Variants in ITSN2 observed in about 807,000 individuals in gnomAD.
ITSN2 encodes intersectin-2.
Under a neutral mutation model 243.7 loss-of-function variants are expected in ITSN2, and 156 were observed. The observed-to-expected ratio is 0.64, with a 90% CI of 0.56 to 0.73. The LOEUF (loss-of-function observed/expected upper bound fraction) is 0.73, where lower values mean the gene tolerates loss of function less well. Ranked by LOEUF, ITSN2 falls within the 30% of genes least tolerant of loss-of-function variation. ITSN2 has a pLI of 0.00. For synonymous variants in ITSN2, 703 were observed against 699.9 expected (o/e 1.00, Z -0.07); for missense variants, 1,801 against 1,996.1 (o/e 0.90, Z 1.86).
chr2:24,271,631 G>C (rs1677358706), intron 19 of ITSN2, 135 bp downstream of exon 19: 1 of 1,132,510 alleles, frequency 8.8e-7, no homozygotes, highest in Non-Finnish European at 1.2e-6. Flanking sequence ...TTTTATCCAA[G>C]TTTAATTTAT....
At chr2:24,288,119 G>A (rs551031135) in intron 15 of ITSN2, among the ~76,000 whole-genome samples, 1 of 152,138 alleles carries the variant, frequency 6.6e-6, no homozygotes, top group African/African-American at 2.4e-5. Flanking sequence ...CAATGTCAAA[G>A]AGCTTTTGTC....
At chr2:24,297,838 G>T (rs1017034577) in intron 13 of ITSN2, among the ~76,000 whole-genome samples, 1 of 152,264 alleles carries the variant, frequency 6.6e-6, no homozygotes, top group Admixed American at 6.5e-5. Context: ...ATCAGTGTCT[G>T]AACTGATGCT....
intron 13 of ITSN2, 126 bp downstream of exon 13, chr2:24,298,539 G>T: frequency 1.3e-6 from 1 of 774,426 alleles, no homozygotes; most frequent in Non-Finnish European, 2.0e-6. Context: ...CAGTTGATCT[G>T]CCTGCCTTGG....
rs1481162962 is a variant in ITSN2, at chr2:24,271,873, TTTTG to T, written c.2146_2149del (p.Gln716SerfsTer30). On this transcript the variant is annotated frameshift_variant, in exon 19 of 40. Transcript: ENST00000355123. LOFTEE classifies it high-confidence loss of function. The stretch of plus-strand genomic sequence containing the variant: ...TTGTGTTTTTTCTTCCTGGAGTCGC[TTTTG>T]TTTTTCTTCTTCCTCCTTTCTAAGA... The T allele has an allele frequency of 3.5e-6, 4 of 1,135,540 alleles. No homozygotes were observed. The highest frequency in any genetic ancestry group is 1.2e-5 in the South Asian group (1 of 80,480). The allele number at this position is 1,135,540 out of a possible 1,614,324, so 70.3% of individuals were successfully genotyped here.
chr2:24,257,714 C>T (rs1254900784), intron 23 of ITSN2, among the ~76,000 whole-genome samples, 174 bp downstream of exon 23: 1 of 152,104 alleles, frequency 6.6e-6, no homozygotes, highest in Non-Finnish European at 1.5e-5. Flanking sequence ...GCCTTGGCTT[C>T]CCAAAATGCT....
At chr2:24,260,106 A>C (rs916054582) in intron 22 of ITSN2, among the ~76,000 whole-genome samples, 14 of 152,104 alleles carry the variant, frequency 9.2e-5, no homozygotes, top group Non-Finnish European at 1.9e-4. Context: ...TTTTTTGTAG[A>C]GATGAGGTCT....
intron 24 of ITSN2, among the ~76,000 whole-genome samples, chr2:24,253,378 C>T (rs1445500305): frequency 6.6e-6 from 1 of 152,132 alleles, no homozygotes; most frequent in Non-Finnish European, 1.5e-5. Flanking sequence ...TCCTTTCCAA[C>T]ATGCTCCTCA....
In ITSN2 at chr2:24,273,160, C is replaced by T. The variant is rs1677585778; in HGVS notation, c.2082-1219G>A. Among the ~76,000 whole-genome samples, 3 of 152,064 alleles carry T rather than the reference C, an allele frequency of 2.0e-5. No homozygotes were observed. In the South Asian group the frequency reaches 6.2e-4, roughly 32 times the overall value. ...CTGGATAATTCAAAATATTGTAGGC[C>T]CTTAGTCATCAATGCTTTCTCCTTA... On this transcript the variant is annotated intron_variant, in intron 18 of 39. Transcript: ENST00000355123.
At chr2:24,305,928 T>G (rs17046228) in intron 8 of ITSN2, among the ~76,000 whole-genome samples, 20,317 of 152,192 alleles carry the variant, frequency 0.13, 1,923 homozygotes, top group African/African-American at 0.27. Context: ...CTGTTTATAC[T>G]GTTATAGTTA....
chr2:24,279,770 T>C (rs1678528439), intron 17 of ITSN2, among the ~76,000 whole-genome samples: 1 of 148,886 alleles, frequency 6.7e-6, no homozygotes, highest in Non-Finnish European at 1.5e-5. Context: ...TCTCGCTCTG[T>C]TGCTCAGGCT....
chr2:24,291,112 T>C (rs1680186484), intron 15 of ITSN2, among the ~76,000 whole-genome samples: 1 of 152,168 alleles, frequency 6.6e-6, no homozygotes. Context: ...AAAATGTCTC[T>C]AATTATTCAG....
chr2:24,210,614 CAAAAA>C (rs950984341), intron 34 of ITSN2, among the ~76,000 whole-genome samples, 161 bp downstream of exon 34: 3 of 53,988 alleles, frequency 5.6e-5, no homozygotes, highest in Admixed American at 4.0e-4. Context: ...GACTCCGTCT[CAAAAA>C]AAAAAAAAAA....
chr2:24,279,726 CTTTT>C (rs955431908), intron 17 of ITSN2, among the ~76,000 whole-genome samples: 1 of 78,300 alleles, frequency 1.3e-5, no homozygotes, highest in African/African-American at 5.3e-5. Context: ...TGTGAATTTT[CTTTT>C]TTTTTTTTTT....
chr2:24,332,344 C>T (rs1028471334), intron 1 of ITSN2, among the ~76,000 whole-genome samples: 4 of 151,218 alleles, frequency 2.6e-5, no homozygotes, highest in Non-Finnish European at 5.9e-5. Flanking sequence ...AAGCTGGATA[C>T]AGTTTGGCTT....
chr2:24,337,315 A>AATATATATATATATAT lies in ITSN2; in HGVS notation c.-33-9216_-33-9201dup, dbSNP rs201712131. 3.2e-3 allele frequency among the ~76,000 whole-genome samples: 102 copies of AATATATATATATATAT among 31,830 alleles called. 1 individual carries two copies. The highest frequency in any genetic ancestry group is 3.9e-3 in the Non-Finnish European group (69 of 17,522). 20.9% of individuals were successfully genotyped at this position (31,830 alleles called of 152,430 possible). ...TGTGTGTGTGTGTGTGTATACACAA[A>AATATATATATATATAT]ATATATATATATATATATATATATA... On this transcript the variant is annotated intron_variant, in intron 1 of 39. Transcript: ENST00000355123.
At position 24,252,336 on chromosome 2, in the gene ITSN2, T is replaced by C. The variant is rs4450560; in HGVS notation, c.3120+9A>G. 1 allele frequency: 1,593,211 copies of C among 1,595,900 alleles called. 795,263 individuals carry two copies. The highest frequency in any genetic ancestry group is 1 in the African/African-American group (74,453 of 74,470). On this transcript the variant is annotated intron_variant, in intron 25 of 39. Coordinates refer to ENST00000355123, the MANE Select transcript of ITSN2 (RefSeq NM_006277.3). The stretch of plus-strand genomic sequence containing the variant: ...TAACCAGAATGGGTTGATTTTAATA[T>C]CAAAATACCTCTTGATCCTTTGGTT...
At chr2:24,303,510 T>TA (rs906675232) in intron 9 of ITSN2, among the ~76,000 whole-genome samples, 3 of 152,218 alleles carry the variant, frequency 2.0e-5, no homozygotes, top group African/African-American at 7.2e-5. Context: ...CAAAAAGTTT[T>TA]AAAAAATTAA....
Position 24,326,644 on chromosome 2 carries a change from T to A in ITSN2, c.31+1408A>T, listed in dbSNP as rs183345131. On this transcript the variant is annotated intron_variant, in intron 2 of 39. Coordinates refer to ENST00000355123, the MANE Select transcript of ITSN2 (RefSeq NM_006277.3). ...TTATAATCCCACACCATTTTCCCAA[T>A]AGGAGCAATACTCACATTAATCCTT... The A allele has an allele frequency of 8.6e-4, 145 of 169,168 alleles. 1 individual carries two copies. Among genetic ancestry groups the A allele is most frequent in the African/African-American group, 3.2e-3 (132 of 41,658 alleles). The allele number at this position is 169,168 out of a possible 1,614,324, so 10.5% of individuals were successfully genotyped here.
intron 1 of ITSN2, among the ~76,000 whole-genome samples, chr2:24,337,325 T>TATATACATATATATATAC (rs1386839125): frequency 8.5e-5 from 8 of 94,458 alleles, no homozygotes; most frequent in Middle Eastern, 4.4e-3. Flanking sequence ...AATATATATA[T>TATATACATATATATATAC]ATATATATAT....
Sources: gnomAD v4.1 joint callset for allele counts (sites outside exome capture counted in the v4.1 genomes callset) on GRCh38, gnomAD v4.1.1 for gene constraint, MANE v1.5 for transcripts, NCBI Gene and HGNC (gene_info 2026-07-23, HGNC 2026-07-21) for gene names.